Variants in PTPRK observed in about 807,000 individuals in gnomAD.
PTPRK encodes the protein receptor-type tyrosine-protein phosphatase kappa.
Under a neutral mutation model 178.0 loss-of-function variants are expected in PTPRK, and 75 were observed. The ratio of observed to expected loss-of-function variants is 0.42; its 90% CI spans 0.35 to 0.51. The LOEUF is 0.51. Among genes scored for constraint, PTPRK ranks in the 20% least tolerant of loss-of-function variants. The pLI is 0.02. For missense variants in PTPRK, 1,441 were observed against 1,797.8 expected (o/e 0.80, Z 3.59); for synonymous variants, 637 against 620.6 (o/e 1.03, Z -0.39).
chr6:128,429,132 C>T (rs549216301), intron 1 of PTPRK, among the ~76,000 whole-genome samples: 26 of 152,240 alleles, frequency 1.7e-4, no homozygotes, highest in African/African-American at 6.3e-4. Context: ...TACTAGTAAA[C>T]TAGGGGAAGT....
At chr6:128,173,185 C>G (rs1355344650) in intron 7 of PTPRK, among the ~76,000 whole-genome samples, 7 of 151,982 alleles carry the variant, frequency 4.6e-5, no homozygotes, top group Admixed American at 2.0e-4. Context: ...CTACAGAAAT[C>G]ACAATTCAAC....
At chr6:128,134,546 C>T (rs1479205516) in intron 7 of PTPRK, among the ~76,000 whole-genome samples, 2 of 152,040 alleles carry the variant, frequency 1.3e-5, no homozygotes, top group Admixed American at 6.6e-5. Flanking sequence ...AGTGGCTCAC[C>T]ATGTCTGTAA....
intron 1 of PTPRK, among the ~76,000 whole-genome samples, chr6:128,469,750 T>C (rs985172313): frequency 2.6e-5 from 4 of 152,126 alleles, no homozygotes; most frequent in African/African-American, 4.8e-5. Context: ...GAGAGTGTCC[T>C]GGATTACCAA....
chr6:128,058,847 T>C (rs527264648), intron 13 of PTPRK, among the ~76,000 whole-genome samples: 6 of 148,930 alleles, frequency 4.0e-5, no homozygotes, highest in African/African-American at 1.6e-4. Context: ...TGTAGCTGTA[T>C]TTTTTTATAT....
At chr6:128,166,696 T>G (rs1478163588) in intron 7 of PTPRK, among the ~76,000 whole-genome samples, 1 of 151,764 alleles carries the variant, frequency 6.6e-6, no homozygotes, top group Non-Finnish European at 1.5e-5. Context: ...CATAAATTTT[T>G]GTTTACTCTC....
intron 2 of PTPRK, among the ~76,000 whole-genome samples, chr6:128,326,703 G>A (rs1433763850): frequency 1.3e-5 from 2 of 152,024 alleles, no homozygotes; most frequent in South Asian, 2.1e-4. Context: ...ACATATGACT[G>A]GAAAAATATG....
At chr6:128,157,382 A>G (rs562410162) in intron 7 of PTPRK, among the ~76,000 whole-genome samples, 17 of 151,688 alleles carry the variant, frequency 1.1e-4, no homozygotes, top group Admixed American at 3.3e-4. Context: ...TTTTAAACAT[A>G]TATTTATATC....
Position 128,383,171 on chromosome 6 carries a change from C to T in PTPRK, c.223+14395G>A, listed in dbSNP as rs577767488. 2.6e-5 allele frequency among the ~76,000 whole-genome samples: 4 copies of T among 152,224 alleles called. No homozygotes were observed. The South Asian group carries it at 6.2e-4, about 24-fold the overall frequency. Reference sequence around the variant, plus strand: ...ACCTGAATAATCCAGTTTAAAAAATCGAAATCAGTGCTTATTACATAAAGC... The same window carrying T: ...ACCTGAATAATCCAGTTTAAAAAATTGAAATCAGTGCTTATTACATAAAGC... On this transcript the variant is annotated intron_variant, in intron 2 of 29. Transcript: ENST00000368226.
At chr6:128,398,143 AGC>A (rs1840575606) in intron 1 of PTPRK, among the ~76,000 whole-genome samples, 1 of 152,214 alleles carries the variant, frequency 6.6e-6, no homozygotes, top group Non-Finnish European at 1.5e-5. Context: ...GGAGTGCGCG[AGC>A]AGCAGCTCAA....
intron 1 of PTPRK, among the ~76,000 whole-genome samples, chr6:128,492,820 C>CA (rs1159430775): frequency 6.6e-6 from 1 of 152,186 alleles, no homozygotes; most frequent in Non-Finnish European, 1.5e-5. Flanking sequence ...CCTTGCCTTC[C>CA]AAAAACCCCT....
intron 6 of PTPRK, among the ~76,000 whole-genome samples, chr6:128,193,456 A>G (rs1052330182): frequency 1.3e-5 from 2 of 151,368 alleles, no homozygotes; most frequent in African/African-American, 2.4e-5. Flanking sequence ...GAAATTGTAT[A>G]TAATTGTACT....
At chr6:128,386,131 G>A (rs939068297) in intron 2 of PTPRK, among the ~76,000 whole-genome samples, 1 of 151,928 alleles carries the variant, frequency 6.6e-6, no homozygotes, top group Non-Finnish European at 1.5e-5. Context: ...ATTGATATGT[G>A]CTTCTGACAT....
At chr6:128,516,853 C>A (rs567938820) in intron 1 of PTPRK, among the ~76,000 whole-genome samples, 5 of 152,080 alleles carry the variant, frequency 3.3e-5, no homozygotes, top group Admixed American at 3.3e-4. Flanking sequence ...AAGAAACTGA[C>A]TAAAAATATT....
chr6:128,320,612 ACT>A (rs35886893), intron 3 of PTPRK, among the ~76,000 whole-genome samples: 7,062 of 152,130 alleles, frequency 0.046, 227 homozygotes, highest in Non-Finnish European at 0.074. Flanking sequence ...GTGGAGGCTG[ACT>A]CTGTTGAATC....
At chr6:128,058,449 CTCTCT>C (rs754097215) in intron 13 of PTPRK, among the ~76,000 whole-genome samples, 5 of 152,114 alleles carry the variant, frequency 3.3e-5, no homozygotes, top group Non-Finnish European at 7.4e-5. Context: ...GTATTTCCTT[CTCTCT>C]TAAGTGCTCA....
chr6:128,160,771 T>C (rs1264761688), intron 7 of PTPRK, among the ~76,000 whole-genome samples: 1 of 151,434 alleles, frequency 6.6e-6, no homozygotes, highest in Non-Finnish European at 1.5e-5. Flanking sequence ...AATATGTATT[T>C]TAATATAAAT....
chr6:128,066,269 A>T (rs2114935846), intron 12 of PTPRK, among the ~76,000 whole-genome samples: 1 of 152,216 alleles, frequency 6.6e-6, no homozygotes, highest in East Asian at 1.9e-4. Context: ...ACACTGGACT[A>T]CTCTCTAAAG....
chr6:128,200,935 G>A (rs1805833348), intron 6 of PTPRK, among the ~76,000 whole-genome samples: 1 of 136,750 alleles, frequency 7.3e-6, no homozygotes, highest in African/African-American at 2.7e-5. Flanking sequence ...GAGGGGAAGG[G>A]AAGGGACAGA....
chr6:127,993,321 G>T (rs1182752481), intron 18 of PTPRK, among the ~76,000 whole-genome samples: 1 of 150,796 alleles, frequency 6.6e-6, no homozygotes, highest in Non-Finnish European at 1.5e-5. Flanking sequence ...AGGGAAAGAA[G>T]AATTTTTAAA....
Sources: gnomAD v4.1 joint callset for allele counts (sites outside exome capture counted in the v4.1 genomes callset) on GRCh38, gnomAD v4.1.1 for gene constraint, MANE v1.5 for transcripts, NCBI Gene and HGNC (gene_info 2026-07-23, HGNC 2026-07-21) for gene names.